AFF3: variants seen among roughly 807,000 people sequenced by gnomAD.
AFF3 encodes AF4/FMR2 family member 3.
AFF3 carries 32 observed loss-of-function variants against 129.7 expected under a neutral mutation model. The observed-to-expected ratio is 0.25, with a 90% confidence interval of 0.19 to 0.33. The LOEUF (loss-of-function observed/expected upper bound fraction) is 0.33, where lower values mean the gene tolerates loss of function less well. Among genes scored for constraint, AFF3 ranks in the 10% least tolerant of loss-of-function variants. The pLI is 1.00. For synonymous variants in AFF3, 644 were observed against 635.4 expected (o/e 1.01, Z -0.20); for missense variants, 1,373 against 1,592.0 (o/e 0.86, Z 2.34).
In AFF3 at chr2:99,582,884, T is replaced by C. The variant is rs758896779; in HGVS notation, c.2707A>G (p.Asn903Asp). The C allele has an allele frequency of 5.6e-6, 9 of 1,614,232 alleles. No homozygotes were observed. Among genetic ancestry groups the C allele is most frequent in the Non-Finnish European group, 7.6e-6 (9 of 1,180,046 alleles). Residue 903 changes from asparagine (N) to aspartate (D), a missense_variant, in exon 17 of 25, where the codon AAT (asparagine) becomes GAT (aspartate). Coordinates refer to ENST00000672756, the MANE Select transcript of AFF3 (RefSeq NM_001386135.1). ...GCTGAAGTAAACAAACTGTTGCCATTAGGTCGGCTGGAAGAAGTTAAGTCC... is the reference window on the plus strand; with the variant it reads ...GCTGAAGTAAACAAACTGTTGCCATCAGGTCGGCTGGAAGAAGTTAAGTCC... The part of the protein sequence containing the change: ...SEDLTSSSRP[N>D]GNSLFTSASS...
intron 12 of AFF3, among the ~76,000 whole-genome samples, chr2:99,650,487 A>G (rs1292700739): frequency 6.6e-6 from 1 of 152,190 alleles, no homozygotes; most frequent in Non-Finnish European, 1.5e-5. Context: ...TGAAACCAGA[A>G]GGCAGAGGTT....
At chr2:99,838,955 T>A (rs1226887614) in intron 7 of AFF3, among the ~76,000 whole-genome samples, 1 of 152,138 alleles carries the variant, frequency 6.6e-6, no homozygotes, top group African/African-American at 2.4e-5. Context: ...GGCGCCAGGC[T>A]GAAGGAAGGT....
intron 8 of AFF3, among the ~76,000 whole-genome samples, chr2:99,785,673 C>G (rs1180538689): frequency 6.6e-6 from 1 of 152,220 alleles, no homozygotes; most frequent in Non-Finnish European, 1.5e-5. Flanking sequence ...GTTTAGAACT[C>G]TTCAGAAAAC....
At chr2:99,677,599 A>G (rs1471502220) in intron 11 of AFF3, among the ~76,000 whole-genome samples, 1 of 152,216 alleles carries the variant, frequency 6.6e-6, no homozygotes, top group East Asian at 1.9e-4. Flanking sequence ...GCACTCGCTC[A>G]CGCTTTCATG....
chr2:99,880,638 C>T (rs767387072), intron 7 of AFF3, among the ~76,000 whole-genome samples: 1 of 152,136 alleles, frequency 6.6e-6, no homozygotes, highest in African/African-American at 2.4e-5. Context: ...CCAAAAGGTG[C>T]TACCCACCCT....
At chr2:99,590,559 A>C (rs537388332) in intron 15 of AFF3, among the ~76,000 whole-genome samples, 11 of 152,346 alleles carry the variant, frequency 7.2e-5, no homozygotes, top group African/African-American at 2.6e-4. Context: ...ATTTGAAGTC[A>C]GGACACTTTG....
chr2:100,002,286 T>A lies in AFF3; in HGVS notation c.873+4346A>T, dbSNP rs76361049. 4.2e-4 allele frequency among the ~76,000 whole-genome samples: 64 copies of A among 152,352 alleles called. 2 individuals carry two copies. The East Asian group carries it at 0.012, about 29-fold the overall frequency. Reference sequence around the variant, plus strand: ...TTCATTTGGAAGAAATCCATTTTCATACAAAGGTAACCAAGAGTGACAGGA... The same window carrying A: ...TTCATTTGGAAGAAATCCATTTTCAAACAAAGGTAACCAAGAGTGACAGGA... On this transcript the variant is annotated intron_variant, in intron 7 of 24. Transcript: ENST00000672756.
chr2:99,759,110 G>A (rs1682371064), intron 8 of AFF3, among the ~76,000 whole-genome samples: 1 of 152,094 alleles, frequency 6.6e-6, no homozygotes. Context: ...TGAGGCTTTT[G>A]CAGATTTCCC....
intron 4 of AFF3, among the ~76,000 whole-genome samples, chr2:100,095,106 CT>C (rs539661098): frequency 2.6e-4 from 35 of 134,830 alleles, no homozygotes; most frequent in South Asian, 2.5e-4. Flanking sequence ...GTCTGACAGT[CT>C]TTTTTTTTTG....
chr2:99,858,492 A>C (rs12463699), intron 7 of AFF3, among the ~76,000 whole-genome samples: 23,914 of 151,970 alleles, frequency 0.16, 2,063 homozygotes, highest in Admixed American at 0.24. Flanking sequence ...TCGAGGCTGC[A>C]GTGAGCCACA....
At chr2:99,690,355 G>A (rs1277049740) in intron 11 of AFF3, among the ~76,000 whole-genome samples, 1 of 150,984 alleles carries the variant, frequency 6.6e-6, no homozygotes, top group Admixed American at 6.6e-5. Context: ...TAATTTTTTT[G>A]TATTTTTAGT....
At chr2:100,048,819 G>T (rs1686047302) in intron 4 of AFF3, among the ~76,000 whole-genome samples, 1 of 152,050 alleles carries the variant, frequency 6.6e-6, no homozygotes. Flanking sequence ...AATTAACATG[G>T]GATTTCTTTA....
chr2:99,729,408 T>A (rs1466712734), intron 10 of AFF3, among the ~76,000 whole-genome samples: 1 of 152,140 alleles, frequency 6.6e-6, no homozygotes, highest in African/African-American at 2.4e-5. Context: ...AGGAAGGATA[T>A]AGTGGGGCCA....
chr2:99,740,682 T>C (rs1238486846), intron 10 of AFF3, among the ~76,000 whole-genome samples: 1 of 151,968 alleles, frequency 6.6e-6, no homozygotes, highest in Non-Finnish European at 1.5e-5. Context: ...TCTTGTAAAT[T>C]TGTTTGAGTT....
chr2:99,716,106 A>T (rs1056752210), intron 11 of AFF3, among the ~76,000 whole-genome samples: 1 of 152,160 alleles, frequency 6.6e-6, no homozygotes, highest in African/African-American at 2.4e-5. Flanking sequence ...GTGGATTTTC[A>T]GTGGTGGTAA....
chr2:100,029,556 G>A (rs764533353), intron 4 of AFF3, among the ~76,000 whole-genome samples: 4 of 152,176 alleles, frequency 2.6e-5, no homozygotes, highest in African/African-American at 7.2e-5. Context: ...AAATAAGCCA[G>A]TCACAAAGAG....
intron 7 of AFF3, among the ~76,000 whole-genome samples, chr2:99,880,210 T>C (rs572066678): frequency 1.3e-5 from 2 of 152,350 alleles, no homozygotes; most frequent in East Asian, 3.9e-4. Flanking sequence ...GGCATGAGCC[T>C]GGAACGGGAG....
intron 7 of AFF3, among the ~76,000 whole-genome samples, chr2:99,940,651 A>G (rs1674949525): frequency 6.6e-6 from 1 of 152,184 alleles, no homozygotes; most frequent in Admixed American, 6.5e-5. Context: ...CTTGTTTAGC[A>G]TATCATCAAG....
At position 99,593,465 on chromosome 2, in the gene AFF3, A is replaced by C. The variant is rs755479874; in HGVS notation, c.2196T>G (p.Ser732Arg). The C allele has an allele frequency of 1.3e-5, 21 of 1,613,792 alleles. No individual in the cohort carries two copies. Among genetic ancestry groups the C allele is most frequent in the Non-Finnish European group, 1.7e-5 (20 of 1,179,992 alleles). Residue 732 changes from serine to arginine, a missense_variant, in exon 15 of 25, where the codon AGT (serine) becomes AGG (arginine). Ser to Arg is a moderately radical substitution (Grantham distance 110, BLOSUM62 -1). Around this residue, in one of 9 missense-constraint regions of AFF3, gnomAD observed 466 missense variants for 505.0 expected, o/e 0.92. Transcript: ENST00000672756. ...PVGSINARTT[S>R]DIAKELEEQF... ...GCTCCTCCAGCTCCTTGGCGATGTC[A>C]CTGGTGGTCCTGGCGTTGATGGAGC...
Sources: allele counts gnomAD v4.1 joint callset (sites outside exome capture counted in the v4.1 genomes callset), GRCh38; gene constraint gnomAD v4.1.1; regional missense constraint gnomAD v4.1.1; transcripts MANE v1.5; gene names NCBI Gene and HGNC (gene_info 2026-07-23, HGNC 2026-07-21).